The following GRB2 variants were observed in gnomAD, a reference collection of about 807,000 sequenced individuals.
GRB2 encodes the protein growth factor receptor-bound protein 2.
Under a neutral mutation model 27.4 loss-of-function variants are expected in GRB2, and 2 were observed. The observed-to-expected ratio is 0.07, with a 90% confidence interval of 0.03 to 0.23. The LOEUF (loss-of-function observed/expected upper bound fraction) is 0.23. Ranked by LOEUF, GRB2 falls within the 10% of genes least tolerant of loss-of-function variation. GRB2 has a pLI of 1.00. For missense variants in GRB2, 102 were observed against 282.4 expected (o/e 0.36, Z 4.58); for synonymous variants, 94 against 99.6 (o/e 0.94, Z 0.33).
At chr17:75,370,477 T>TGCCA (rs1437547459) in intron 2 of GRB2, among the ~76,000 whole-genome samples, 2 of 152,242 alleles carry the variant, frequency 1.3e-5, no homozygotes, top group Non-Finnish European at 2.9e-5. Context: ...CCACAAAGCA[T>TGCCA]GCCAGCCAGC....
intron 2 of GRB2, among the ~76,000 whole-genome samples, chr17:75,348,794 G>C (rs1431326322): frequency 6.6e-6 from 1 of 152,186 alleles, no homozygotes; most frequent in Non-Finnish European, 1.5e-5. Context: ...TCCCACCTCA[G>C]TCTCCTGAGT....
intron 2 of GRB2, among the ~76,000 whole-genome samples, chr17:75,366,682 T>C (rs1011182275): frequency 2.0e-5 from 3 of 151,972 alleles, no homozygotes; most frequent in Non-Finnish European, 2.9e-5. Flanking sequence ...TGGTAGTGCA[T>C]GCCTGTAGTT....
At chr17:75,390,913 C>T (rs1022344438) in intron 2 of GRB2, among the ~76,000 whole-genome samples, 12 of 152,216 alleles carry the variant, frequency 7.9e-5, no homozygotes, top group African/African-American at 2.7e-4. Context: ...TTAAATTGTT[C>T]AATGCTATTC....
At chr17:75,394,572 C>T (rs1054032652) in intron 1 of GRB2, among the ~76,000 whole-genome samples, 11 of 152,172 alleles carry the variant, frequency 7.2e-5, no homozygotes, top group African/African-American at 2.7e-4. Flanking sequence ...GACCAAGGCT[C>T]AGCACTCCAG....
chr17:75,405,045 A>C (rs1598261634), intron 1 of GRB2: 1 of 152,150 alleles, frequency 6.6e-6, no homozygotes, highest in Non-Finnish European at 1.5e-5. Flanking sequence ...CCCGCACAAA[A>C]TTAAGCCCAA....
intron 1 of GRB2, among the ~76,000 whole-genome samples, chr17:75,398,265 TTTTA>T (rs986292167): frequency 2.2e-4 from 34 of 152,212 alleles, no homozygotes; most frequent in African/African-American, 6.0e-4. Context: ...GTAAACACAC[TTTTA>T]TTTATTTATT....
intron 4 of GRB2, 63 bp downstream of exon 4, chr17:75,325,835 C>T (rs976434337): frequency 8.3e-6 from 13 of 1,569,734 alleles, no homozygotes; most frequent in Admixed American, 3.3e-5. Flanking sequence ...ACCTGACCAA[C>T]GGCTTCACAA....
intron 1 of GRB2, among the ~76,000 whole-genome samples, chr17:75,398,729 C>T (rs530721827): frequency 2.4e-4 from 36 of 152,090 alleles, no homozygotes; most frequent in Non-Finnish European, 5.0e-4. Flanking sequence ...CTTTGGTAAT[C>T]TATTGACAAC....
intron 3 of GRB2, among the ~76,000 whole-genome samples, chr17:75,328,839 G>C (rs2078518702): frequency 1.3e-5 from 2 of 151,954 alleles, no homozygotes; most frequent in Admixed American, 6.6e-5. Context: ...TCAGGAGGCT[G>C]AGGCAGGAGA....
intron 2 of GRB2, among the ~76,000 whole-genome samples, chr17:75,350,286 T>C (rs1215790807): frequency 1.3e-5 from 2 of 150,832 alleles, no homozygotes; most frequent in Non-Finnish European, 2.9e-5. Flanking sequence ...AGTGCCTATT[T>C]TGAGTTAGGA....
intron 2 of GRB2, among the ~76,000 whole-genome samples, chr17:75,353,305 G>T (rs958540546): frequency 6.6e-6 from 1 of 152,004 alleles, no homozygotes; most frequent in African/African-American, 2.4e-5. Flanking sequence ...GCGTAAGTGG[G>T]CTGTGCATCC....
At chr17:75,339,899 G>A (rs1268886818) in intron 2 of GRB2, among the ~76,000 whole-genome samples, 1 of 152,188 alleles carries the variant, frequency 6.6e-6, no homozygotes, top group Non-Finnish European at 1.5e-5. Flanking sequence ...AAAGTGCTGG[G>A]ATTACAGGCG....
intron 2 of GRB2, among the ~76,000 whole-genome samples, chr17:75,334,271 C>T (rs1176926455): frequency 6.6e-6 from 1 of 151,950 alleles, no homozygotes; most frequent in Non-Finnish European, 1.5e-5. Flanking sequence ...CCCGGGTTCA[C>T]GCCATTCTCT....
intron 2 of GRB2, among the ~76,000 whole-genome samples, chr17:75,382,039 A>C (rs781734103): frequency 2.0e-5 from 3 of 152,096 alleles, no homozygotes; most frequent in Non-Finnish European, 2.9e-5. Context: ...CCTGGCCAAC[A>C]TGGTGAAACC....
At chr17:75,372,324 A>G (rs544957430) in intron 2 of GRB2, 2 of 152,428 alleles carry the variant, frequency 1.3e-5, no homozygotes, top group African/African-American at 4.8e-5. Context: ...TTTGGGAAAT[A>G]AAGGTTCACA....
chr17:75,340,022 G>A (rs1356816989), intron 2 of GRB2, among the ~76,000 whole-genome samples: 1 of 152,190 alleles, frequency 6.6e-6, no homozygotes, highest in African/African-American at 2.4e-5. Context: ...TTTGAAATAA[G>A]GGGATATTTT....
At chr17:75,361,404 T>TGC (rs2078780821) in intron 2 of GRB2, among the ~76,000 whole-genome samples, 1 of 152,188 alleles carries the variant, frequency 6.6e-6, no homozygotes, top group African/African-American at 2.4e-5. Context: ...TGGTCTCCTA[T>TGC]GCTGTGGGAA....
At chr17:75,404,617 G>A (rs556348848) in intron 1 of GRB2, among the ~76,000 whole-genome samples, 1 of 152,262 alleles carries the variant, frequency 6.6e-6, no homozygotes, top group East Asian at 1.9e-4. Context: ...GGAAAGGACA[G>A]AAGCAGATAG....
chr17:75,331,392 C>G (rs1159528451), intron 3 of GRB2, among the ~76,000 whole-genome samples: 1 of 152,162 alleles, frequency 6.6e-6, no homozygotes, highest in African/African-American at 2.4e-5. Flanking sequence ...TCCCAGTCAG[C>G]CTGGCAGTAA....
Sources: allele counts gnomAD v4.1 joint callset (sites outside exome capture counted in the v4.1 genomes callset), GRCh38; gene constraint gnomAD v4.1.1; transcripts MANE v1.5; gene names NCBI Gene and HGNC (gene_info 2026-07-23, HGNC 2026-07-21).